SP6: variants seen among roughly 807,000 people sequenced by gnomAD.
SP6 encodes the protein Sp6 transcription factor.
SP6 carries 10 observed loss-of-function variants against 23.4 expected under a neutral mutation model. The observed-to-expected ratio is 0.43, with a 90% CI of 0.26 to 0.72. SP6 has a LOEUF of 0.72. Among genes scored for constraint, SP6 ranks in the 30% least tolerant of loss-of-function variants. The pLI is 0.23. For missense variants in SP6, 482 were observed against 523.8 expected, an observed-to-expected ratio of 0.92 and a Z score of 0.78; for synonymous variants, 238 against 238.7, an observed-to-expected ratio of 1.00 and a Z score of 0.03.
the SP6 span, among the ~76,000 whole-genome samples, chr17:47,871,580 C>G: frequency 6.6e-6 from 1 of 152,080 alleles, no homozygotes; most frequent in South Asian, 2.1e-4. Flanking sequence ...GCATGTGTTC[C>G]TGCCTCTGTA....
chr17:47,853,055 C>T (rs1291070873), upstream of SP6, among the ~76,000 whole-genome samples: 1 of 152,162 alleles, frequency 6.6e-6, no homozygotes, highest in African/African-American at 2.4e-5. Flanking sequence ...CTAAACTGAC[C>T]CTGGCAGGTC....
At chr17:47,873,155 C>T in the SP6 span, among the ~76,000 whole-genome samples, 2 of 152,122 alleles carry the variant, frequency 1.3e-5, no homozygotes, top group Non-Finnish European at 2.9e-5. Flanking sequence ...TTTTATCTCC[C>T]CTTCAAAAAT....
the SP6 span, among the ~76,000 whole-genome samples, chr17:47,867,088 C>T: frequency 4.6e-5 from 7 of 152,324 alleles, no homozygotes; most frequent in Non-Finnish European, 1.0e-4. Context: ...CCATCGCTGA[C>T]GTACTTCGGC....
the SP6 span, among the ~76,000 whole-genome samples, chr17:47,862,046 GA>G: frequency 0.27 from 33,647 of 122,528 alleles, 4,301 homozygotes; most frequent in Non-Finnish European, 0.34. Context: ...CCCTGTCTCA[GA>G]AAAAAAAAAA....
At position 47,848,497 on chromosome 17, in the gene SP6, C is replaced by T; in HGVS notation, c.-57-11G>A. On this transcript the variant is annotated splice_polypyrimidine_tract_variant and intron_variant, in intron 1 of 1. Coordinates refer to ENST00000536300, the MANE Select transcript of SP6 (RefSeq NM_001258248.2). The surrounding 1 kb of genome is among the most constrained non-coding windows in gnomAD (Gnocchi z 5.3). ...CACCTCAGACGGGACCTAAAGGAGG[C>T]GAAGAAGCAGAAAAGTAAGGGAAAT... 2 of 1,384,156 alleles carry T rather than the reference C, an allele frequency of 1.4e-6. No individual in the cohort carries two copies. Among genetic ancestry groups the T allele is most frequent in the East Asian group, 2.6e-5 (1 of 38,982 alleles). The allele number at this position is 1,384,156 out of a possible 1,614,324, so 85.7% of individuals were successfully genotyped here. A position where few individuals can be genotyped will look rare whatever the true frequency, so the allele number is the denominator to read the frequency against.
upstream of SP6, among the ~76,000 whole-genome samples, chr17:47,857,398 A>G (rs144522617): frequency 5.0e-3 from 761 of 152,362 alleles, 4 homozygotes; most frequent in Non-Finnish European, 7.8e-3. Context: ...TTAATTACAG[A>G]GTTGATTTGC....
At chr17:47,867,348 T>G in the SP6 span, among the ~76,000 whole-genome samples, 31 of 152,222 alleles carry the variant, frequency 2.0e-4, no homozygotes, top group Admixed American at 3.3e-4. Flanking sequence ...ATCATGTCAG[T>G]GACCCTGACT....
At chr17:47,872,695 C>T in the SP6 span, among the ~76,000 whole-genome samples, 2 of 152,168 alleles carry the variant, frequency 1.3e-5, no homozygotes, top group African/African-American at 4.8e-5. Context: ...GTTGAGGACG[C>T]GGAGGGTGGG....
Position 47,847,695 on chromosome 17 carries a change from G to A in SP6, c.735C>T (p.Pro245=). The A allele has an allele frequency of 1.2e-6, 2 of 1,605,916 alleles. No homozygotes were observed. The highest frequency in any genetic ancestry group is 1.7e-6 in the Non-Finnish European group (2 of 1,175,216). ...GCAAATGCTTCTTCTTGCCCCCATC[G>A]GGCCCACATGGAGCCCCCAGTCGCT... ...EAERLGAPCG[P]DGGKKKHLHN... The change falls in exon 2 of 2, where the codon CCC becomes CCT. Residue 245 remains proline (P), a synonymous_variant. Coordinates refer to ENST00000536300, the MANE Select transcript of SP6 (RefSeq NM_001258248.2).
In SP6 at chr17:47,848,520, A is replaced by G; in HGVS notation, c.-57-34T>C. The G allele has an allele frequency of 8.0e-7, 1 of 1,252,310 alleles. No individual in the cohort carries two copies. Among genetic ancestry groups the G allele is most frequent in the Non-Finnish European group, 1.1e-6 (1 of 923,446 alleles). 77.6% of individuals were successfully genotyped at this position (1,252,310 alleles called of 1,614,324 possible). On this transcript the variant is annotated intron_variant, in intron 1 of 1. Coordinates refer to ENST00000536300, the MANE Select transcript of SP6 (RefSeq NM_001258248.2). The surrounding 1 kb of genome is among the most constrained non-coding windows in gnomAD (Gnocchi z 5.3). ...GGCGAAGAAGCAGAAAAGTAAGGGA[A>G]ATAACCAGCTCACTTTCCCTCCTAA...
chr17:47,874,219 T>G, the SP6 span, among the ~76,000 whole-genome samples: 1 of 152,064 alleles, frequency 6.6e-6, no homozygotes, highest in African/African-American at 2.4e-5. Context: ...CCTGAGTAGC[T>G]AGGAGTACAG....
rs1346839434 is a variant in SP6 at position 47,846,348 on chromosome 17, T to C, written c.*951A>G. 3.3e-5 allele frequency: 5 copies of C among 152,094 alleles called. No homozygotes were observed. In the East Asian group the frequency reaches 9.7e-4, roughly 29 times the overall value. The allele number at this position is 152,094 out of a possible 1,614,324, so 9.4% of individuals were successfully genotyped here. On this transcript the variant is annotated 3_prime_UTR_variant, in exon 2 of 2. Transcript: ENST00000536300. ...AGCCCAAGAAACCCTCTTCCTTCCA[T>C]CCCTGAGGGGAAGGCAACTGGTGGG...
chr17:47,849,344 G>T (rs539298223), intron 1 of SP6, among the ~76,000 whole-genome samples: 2 of 152,374 alleles, frequency 1.3e-5, no homozygotes, highest in South Asian at 4.1e-4. Context: ...CCAGAGAAGA[G>T]CTTGACAGCA....
rs895215815 is a variant in SP6, at chr17:47,848,527, A to G, written c.-57-41T>C. ...AAGCAGAAAAGTAAGGGAAATAACC[A>G]GCTCACTTTCCCTCCTAACCCAGGT... is the stretch of plus-strand genomic sequence containing the variant. On this transcript the variant is annotated intron_variant, in intron 1 of 1. Coordinates refer to ENST00000536300, the MANE Select transcript of SP6 (RefSeq NM_001258248.2). This position sits in a 1 kb window ranked among gnomAD's most constrained non-coding sequence, Gnocchi z 5.3. 1 of 1,187,632 alleles carries G rather than the reference A, an allele frequency of 8.4e-7. No homozygotes were observed. The highest frequency in any genetic ancestry group is 2.6e-5 in the East Asian group (1 of 38,044). The allele number at this position is 1,187,632 out of a possible 1,614,324, so 73.6% of individuals were successfully genotyped here. A position where few individuals can be genotyped will look rare whatever the true frequency, so the allele number is the denominator to read the frequency against.
the SP6 span, chr17:47,865,070 C>G: frequency 6.6e-6 from 1 of 152,254 alleles, no homozygotes; most frequent in African/African-American, 2.4e-5. Context: ...AAAGCAAGCT[C>G]TAGAGAGAAA....
rs1158366578 is a variant in SP6 at position 47,847,263 on chromosome 17, C to T, written c.*36G>A. 2 of 1,471,930 alleles carry T rather than the reference C, an allele frequency of 1.4e-6. No individual in the cohort carries two copies. The highest frequency in any genetic ancestry group is 1.8e-6 in the Non-Finnish European group (2 of 1,110,382). The allele number at this position is 1,471,930 out of a possible 1,614,324, so 91.2% of individuals were successfully genotyped here. The stretch of plus-strand genomic sequence containing the variant: ...GACCTGGGGGCTCGCATCCAGTGCC[C>T]CCCGGGATACCCGCAGGGAGGCGGC... On this transcript the variant is annotated 3_prime_UTR_variant, in exon 2 of 2. Coordinates refer to ENST00000536300, the MANE Select transcript of SP6 (RefSeq NM_001258248.2).
upstream of SP6, among the ~76,000 whole-genome samples, chr17:47,859,439 C>T (rs1879476285): frequency 2.6e-5 from 4 of 152,244 alleles, no homozygotes; most frequent in South Asian, 6.2e-4. Context: ...TTGCCTCATG[C>T]TCTGCTTCCA....
chr17:47,866,597 C>A, the SP6 span, among the ~76,000 whole-genome samples: 8 of 152,302 alleles, frequency 5.3e-5, no homozygotes, highest in Admixed American at 2.6e-4. Flanking sequence ...GCTGCCGGAC[C>A]GGAGTAGCCA....
chr17:47,858,534 A>T (rs1298064093), upstream of SP6, among the ~76,000 whole-genome samples: 1 of 152,200 alleles, frequency 6.6e-6, no homozygotes, highest in Non-Finnish European at 1.5e-5. Flanking sequence ...GGGCAGGGGA[A>T]GATGATGAAG....
Sources: allele counts gnomAD v4.1 joint callset (sites outside exome capture counted in the v4.1 genomes callset), GRCh38; gene constraint gnomAD v4.1.1; non-coding constraint Gnocchi (gnomAD v3.1); transcripts MANE v1.5; gene names NCBI Gene and HGNC (gene_info 2026-07-23, HGNC 2026-07-21).